The following TCOF1 variants were observed in gnomAD, a reference collection of about 807,000 sequenced individuals.
The protein encoded by TCOF1 is treacle ribosome biogenesis factor 1.
TCOF1 carries 33 observed loss-of-function variants against 149.0 expected under a neutral mutation model. The observed-to-expected ratio is 0.22, with a 90% CI of 0.17 to 0.30. The LOEUF is 0.30. Among genes scored for constraint, TCOF1 ranks in the 10% least tolerant of loss-of-function variants. The probability of loss-of-function intolerance (pLI) is 1.00; values close to 1 mark genes in which losing one functional copy is unlikely to be tolerated. For synonymous variants in TCOF1, 789 were observed against 738.8 expected, an observed-to-expected ratio of 1.07 and a Z score of -1.10; for missense variants, 1,728 against 1,840.7, an observed-to-expected ratio of 0.94 and a Z score of 1.12.
chr5:150,378,053 C>T (rs973440638), intron 14 of TCOF1, among the ~76,000 whole-genome samples: 1 of 152,170 alleles, frequency 6.6e-6, no homozygotes, highest in African/African-American at 2.4e-5. Flanking sequence ...TTTACGTGCT[C>T]TACTGATGAG....
chr5:150,360,969 C>A (rs1023804036), intron 1 of TCOF1, among the ~76,000 whole-genome samples, 187 bp from the exon 2 acceptor site: 1 of 152,004 alleles, frequency 6.6e-6, no homozygotes, highest in African/African-American at 2.4e-5. Context: ...CTCCTGGGCT[C>A]AAGTGATCTT....
At position 150,396,606 on chromosome 5, in the gene TCOF1, C is replaced by G; in HGVS notation, c.4109C>G (p.Ala1370Gly). The G allele has an allele frequency of 6.3e-7, 1 of 1,586,588 alleles. No individual in the cohort carries two copies. The highest frequency in any genetic ancestry group is 8.6e-7 in the Non-Finnish European group (1 of 1,165,712). Residue 1370 changes from alanine to glycine, a missense_variant, in exon 24 of 27, where the codon GCC becomes GGC. Transcript: ENST00000643257. ...AGCAAGAAGAAGAAGAAGCTGGGGG[C>G]CGGGGAAGGTGGGGAGGCCTCTGTT... ...PRSKKKKKLG[A>G]GEGGEASVSP...
At position 150,396,272 on chromosome 5, in the gene TCOF1, C is replaced by T; in HGVS notation, c.3785-10C>T. 6.2e-7 allele frequency: 1 copy of T among 1,614,018 alleles called. No individual in the cohort carries two copies. Among genetic ancestry groups the T allele is most frequent in the Non-Finnish European group, 8.5e-7 (1 of 1,180,014 alleles). ...TCCCAGATCTGTGACCCCACATTCT[C>T]TCTCCATAGGTGGAAAAGAGGCTGC... On this transcript the variant is annotated splice_polypyrimidine_tract_variant and intron_variant, in intron 23 of 26. Coordinates refer to ENST00000643257, the MANE Select transcript of TCOF1 (RefSeq NM_001371623.1).
intron 5 of TCOF1, among the ~76,000 whole-genome samples, chr5:150,369,249 A>T (rs905278771): frequency 6.6e-6 from 1 of 152,212 alleles, no homozygotes; most frequent in Non-Finnish European, 1.5e-5. Flanking sequence ...ATCAGTGGAT[A>T]TGATGGTGGA....
Position 150,375,112 on chromosome 5 carries a change from C to T in TCOF1, c.1437C>T (p.Ser479=), listed in dbSNP as rs144500660. ...GKQEEDSRSS[S]EESDSDREAL... ...AGGAGGAGGACTCAAGAAGCAGCAG[C>T]GAGGAGTCAGACAGTGACAGAGAGG... The change falls in exon 10 of 27, where the codon AGC becomes AGT. Residue 479 remains serine (S), a synonymous_variant. Coordinates refer to ENST00000643257, the MANE Select transcript of TCOF1 (RefSeq NM_001371623.1). 1.7e-5 allele frequency: 27 copies of T among 1,613,486 alleles called. No individual in the cohort carries two copies. Among genetic ancestry groups the T allele is most frequent in the Middle Eastern group, 3.3e-4 (2 of 6,058 alleles).
chr5:150,376,046 G>A, intron 12 of TCOF1, 36 bp from the exon 13 acceptor site: 4 of 1,613,408 alleles, frequency 2.5e-6, no homozygotes, highest in Non-Finnish European at 3.4e-6. Flanking sequence ...TCTGAGTTCA[G>A]GAACCTTCTC....
intron 18 of TCOF1, among the ~76,000 whole-genome samples, chr5:150,388,701 G>A (rs899415126): frequency 2.6e-5 from 4 of 152,230 alleles, no homozygotes; most frequent in African/African-American, 4.8e-5. Context: ...TCTTTGGGAG[G>A]CTGAGGCAGG....
chr5:150,398,472 C>G (rs757829975), intron 25 of TCOF1, 21 bp downstream of exon 25: 1 of 1,613,994 alleles, frequency 6.2e-7, no homozygotes, highest in Non-Finnish European at 8.5e-7. Context: ...CCTGGGGTGT[C>G]TCAGGCCAGA....
At position 150,396,369 on chromosome 5, in the gene TCOF1, C is replaced by T. The variant is rs201368732; in HGVS notation, c.3872C>T (p.Ala1291Val). 21 of 1,613,838 alleles carry T rather than the reference C, an allele frequency of 1.3e-5. No individual in the cohort carries two copies. The highest frequency in any genetic ancestry group is 4.5e-5 in the East Asian group (2 of 44,876). ...GGGAACCCCCAAGCCTCAACCCTGGCGCTGCAAAGCAACATCACCCAGTGC... is the reference window on the plus strand; with the variant it reads ...GGGAACCCCCAAGCCTCAACCCTGGTGCTGCAAAGCAACATCACCCAGTGC... Reference protein sequence around the residue: ...GAGNPQASTLALQSNITQCLL... With the variant: ...GAGNPQASTLVLQSNITQCLL... The change falls in exon 24 of 27, where the codon GCG becomes GTG. Residue 1291 changes from alanine (A) to valine (V), a missense_variant. Ala to Val is a moderately conservative substitution (Grantham distance 64, BLOSUM62 0). Around this residue, in one of 2 missense-constraint regions of TCOF1, gnomAD observed 1,696 missense variants for 1,765.4 expected, o/e 0.96. Coordinates refer to ENST00000643257, the MANE Select transcript of TCOF1 (RefSeq NM_001371623.1).
intron 19 of TCOF1, 94 bp downstream of exon 19, chr5:150,390,117 G>A: frequency 6.5e-7 from 1 of 1,535,050 alleles, no homozygotes; most frequent in South Asian, 1.2e-5. Context: ...GCCTGCAATT[G>A]CTGTCACGCC....
In TCOF1 at chr5:150,375,703, C is replaced by A; in HGVS notation, c.1705-18C>A. 1 of 1,614,232 alleles carries A rather than the reference C, an allele frequency of 6.2e-7. No homozygotes were observed. Among genetic ancestry groups the A allele is most frequent in the Non-Finnish European group, 8.5e-7 (1 of 1,180,028 alleles). ...CTACCCTGGGCTCCCTCTCCCGATC[C>A]TGTGTATCTCACTCCAGGAAAAGTC... On this transcript the variant is annotated intron_variant, in intron 11 of 26. Coordinates refer to ENST00000643257, the MANE Select transcript of TCOF1 (RefSeq NM_001371623.1).
In TCOF1 at chr5:150,374,970, A is replaced by C; in HGVS notation, c.1295A>C (p.Lys432Thr). 1 of 1,613,008 alleles carries C rather than the reference A, an allele frequency of 6.2e-7. No homozygotes were observed. ...TCACTCCAGGCGAAGCCTTCAGGGA[A>C]GGCCCCCCAGGTCAGAGCCGCCTCG... is the stretch of plus-strand genomic sequence containing the variant. ...EAPAQAKPSG[K>T]APQVRAASAP... Residue 432 changes from lysine (K) to threonine (T), a missense_variant, in exon 10 of 27, where the codon AAG (lysine) becomes ACG (threonine). By Grantham distance (78) the Lys-to-Thr change is moderately conservative (BLOSUM62 -1). This residue lies in a region of TCOF1 where 1,696 missense variants were observed against 1,765.4 expected (regional missense o/e 0.96). Coordinates refer to ENST00000643257, the MANE Select transcript of TCOF1 (RefSeq NM_001371623.1).
intron 17 of TCOF1, among the ~76,000 whole-genome samples, chr5:150,387,475 T>C (rs1766521453): frequency 6.6e-6 from 1 of 152,202 alleles, no homozygotes; most frequent in Middle Eastern, 3.2e-3. Context: ...CCAGGCAGCC[T>C]TGGAAAACTG....
At chr5:150,360,732 CTT>C (rs869238792) in intron 1 of TCOF1, among the ~76,000 whole-genome samples, 52 of 127,340 alleles carry the variant, frequency 4.1e-4, no homozygotes, top group Admixed American at 6.5e-4. Flanking sequence ...AAAAGACCCT[CTT>C]TTTTTTTTTT....
rs1300384114 is a variant in TCOF1 at position 150,392,899 on chromosome 5, A to C, written c.3603+109A>C. Reference sequence around the variant, plus strand: ...TCAGGGGTCTGGGTCCCCTCTCTTCACAGAGGCCTTGGGCAAGGTCCTGTC... The same window carrying C: ...TCAGGGGTCTGGGTCCCCTCTCTTCCCAGAGGCCTTGGGCAAGGTCCTGTC... On this transcript the variant is annotated intron_variant, in intron 22 of 26. Coordinates refer to ENST00000643257, the MANE Select transcript of TCOF1 (RefSeq NM_001371623.1). The C allele has an allele frequency of 1.0e-5, 14 of 1,344,356 alleles. No homozygotes were observed. In the East Asian group the frequency reaches 3.5e-4, roughly 34 times the overall value. The allele number at this position is 1,344,356 out of a possible 1,614,324, so 83.3% of individuals were successfully genotyped here.
chr5:150,387,026 C>G (rs374381798), intron 17 of TCOF1, among the ~76,000 whole-genome samples: 1 of 152,218 alleles, frequency 6.6e-6, no homozygotes, highest in African/African-American at 2.4e-5. Flanking sequence ...TGAGCAGGCT[C>G]GTTTCACGCA....
Position 150,372,000 on chromosome 5 carries a change from T to G in TCOF1, c.640-6T>G. The G allele has an allele frequency of 6.2e-7, 1 of 1,611,748 alleles. No individual in the cohort carries two copies. Among genetic ancestry groups the G allele is most frequent in the Non-Finnish European group, 8.5e-7 (1 of 1,177,808 alleles). ...TTCATTTTCTAATTCCATCCTCTTG[T>G]TCCAGGGGAAACCCTCAGTAAAACC... On this transcript the variant is annotated splice_region_variant and splice_polypyrimidine_tract_variant and intron_variant, in intron 6 of 26. Transcript: ENST00000643257.
rs751072012 is a variant in TCOF1, at chr5:150,396,367, G to A, written c.3870G>A (p.Leu1290=). ...KGAGNPQAST[L]ALQSNITQCL... ...CTGGGAACCCCCAAGCCTCAACCCT[G>A]GCGCTGCAAAGCAACATCACCCAGT... is the stretch of plus-strand genomic sequence containing the variant. The change falls in exon 24 of 27, where the codon CTG becomes CTA. Residue 1290 remains leucine, a synonymous_variant. Transcript: ENST00000643257. 5.6e-6 allele frequency: 9 copies of A among 1,613,964 alleles called. No individual in the cohort carries two copies. In the South Asian group the frequency reaches 8.8e-5, roughly 16 times the overall value.
intron 3 of TCOF1, among the ~76,000 whole-genome samples, chr5:150,365,258 T>G (rs1214658148): frequency 1.4e-5 from 2 of 141,066 alleles, no homozygotes; most frequent in Non-Finnish European, 3.0e-5. Context: ...TCTTTCTTTT[T>G]TTTTTTTTTT....
Sources: gnomAD v4.1 joint callset for allele counts (sites outside exome capture counted in the v4.1 genomes callset) on GRCh38, gnomAD v4.1.1 for gene constraint, gnomAD v4.1.1 regional missense constraint, MANE v1.5 for transcripts, NCBI Gene and HGNC (gene_info 2026-07-23, HGNC 2026-07-21) for gene names.